LIMK1: variants seen among roughly 807,000 people sequenced by gnomAD.
LIMK1 encodes LIM motif-containing protein kinase.
A neutral mutation model predicts 77.6 loss-of-function variants in LIMK1; 21 were observed. That is an observed-to-expected ratio of 0.27 (90% CI 0.19 to 0.39). LIMK1 has a LOEUF of 0.39. LIMK1 is among the 10% of genes least tolerant of loss of function. The pLI is 1.00. For missense variants in LIMK1, 696 were observed against 901.6 expected, an observed-to-expected ratio of 0.77 and a Z score of 2.92; for synonymous variants, 358 against 370.0, an observed-to-expected ratio of 0.97 and a Z score of 0.37.
In LIMK1 at chr7:74,096,724, T is replaced by C; in HGVS notation, c.255T>C (p.His85=). 6.2e-7 allele frequency: 1 copy of C among 1,612,910 alleles called. No individual in the cohort carries two copies. The highest frequency in any genetic ancestry group is 1.7e-5 in the Admixed American group (1 of 59,870). Residue 85 remains histidine, a synonymous_variant, in exon 3 of 16, where the codon CAT becomes CAC. Coordinates refer to ENST00000336180, the MANE Select transcript of LIMK1 (RefSeq NM_002314.4). The part of the protein sequence containing the change: ...DYWARYGESC[H]GCSEQITKGL... The stretch of plus-strand genomic sequence containing the variant: ...GGGCCCGCTATGGCGAGTCCTGCCA[T>C]GGGTGCTCTGAGCAAATCACCAAGG...
intron 13 of LIMK1, among the ~76,000 whole-genome samples, chr7:74,118,018 C>T (rs1212698670): frequency 1.3e-5 from 2 of 150,828 alleles, no homozygotes; most frequent in Non-Finnish European, 2.9e-5. Context: ...CACTTGAACC[C>T]AGGAGCAGAG....
chr7:74,118,152 G>A (rs979020151), intron 13 of LIMK1, among the ~76,000 whole-genome samples: 8 of 151,396 alleles, frequency 5.3e-5, no homozygotes, highest in African/African-American at 1.7e-4. Flanking sequence ...TGAGGTGGGC[G>A]GATCACGAGG....
At chr7:74,102,484 C>CTTTTT (rs71094754) in intron 5 of LIMK1, among the ~76,000 whole-genome samples, 4,046 of 53,996 alleles carry the variant, frequency 0.075, 910 homozygotes, top group Non-Finnish European at 0.12. Flanking sequence ...AGGACCTTCT[C>CTTTTT]TTTTTTTTTT....
intron 5 of LIMK1, among the ~76,000 whole-genome samples, chr7:74,102,353 C>T (rs1297942083): frequency 1.3e-5 from 2 of 151,770 alleles, no homozygotes; most frequent in African/African-American, 4.8e-5. Context: ...GATACATATA[C>T]ATGTTTAGTG....
chr7:74,099,199 G>A lies in LIMK1; in HGVS notation c.569G>A (p.Gly190Asp). The change falls in exon 5 of 16, where the codon GGC becomes GAC. Residue 190 changes from glycine to aspartate, a missense_variant. Gly to Asp is a moderately conservative substitution (Grantham distance 94). This residue lies in a region of LIMK1 where 252 missense variants were observed against 279.4 expected (regional missense o/e 0.90). Coordinates refer to ENST00000336180, the MANE Select transcript of LIMK1 (RefSeq NM_002314.4). ...ATTGACCCCCCGCACGGCCCACCGG[G>A]CTGTGGCACCGAGCACTCACACACC... ...VSIDPPHGPP[G>D]CGTEHSHTVR... The A allele has an allele frequency of 6.2e-7, 1 of 1,609,974 alleles. No individual in the cohort carries two copies. The highest frequency in any genetic ancestry group is 8.5e-7 in the Non-Finnish European group (1 of 1,180,000).
intron 13 of LIMK1, among the ~76,000 whole-genome samples, chr7:74,120,050 C>G (rs1191223422): frequency 1.3e-5 from 2 of 152,130 alleles, no homozygotes; most frequent in African/African-American, 2.4e-5. Context: ...GTTTTGCATT[C>G]CTGGGCTTGT....
At position 74,111,607 on chromosome 7, in the gene LIMK1, C is replaced by T. The variant is rs200203379; in HGVS notation, c.1285-41C>T. The T allele has an allele frequency of 8.9e-6, 14 of 1,574,620 alleles. No homozygotes were observed. In the African/African-American group the frequency reaches 1.9e-4, roughly 21 times the overall value. ...CATGCAACCATCCCTGCCATCGGGG[C>T]CCCCACCGGCCCCACCCTGGCCATT... On this transcript the variant is annotated intron_variant, in intron 10 of 15. Coordinates refer to ENST00000336180, the MANE Select transcript of LIMK1 (RefSeq NM_002314.4).
intron 9 of LIMK1, 136 bp from the exon 10 acceptor site, chr7:74,108,769 G>A: frequency 7.2e-7 from 1 of 1,392,126 alleles, no homozygotes; most frequent in Non-Finnish European, 9.5e-7. Context: ...GTGTGGCAGA[G>A]GCAGGAGAGG....
intron 12 of LIMK1, chr7:74,115,421 T>TA: frequency 5.2e-6 from 1 of 192,080 alleles, no homozygotes; most frequent in Non-Finnish European, 1.1e-5. Flanking sequence ...AGACTCCGTC[T>TA]GAAAAAAAAA....
intron 10 of LIMK1, 37 bp downstream of exon 10, chr7:74,109,073 G>A (rs558731034): frequency 1.9e-5 from 29 of 1,531,676 alleles, no homozygotes; most frequent in Admixed American, 1.6e-4. Flanking sequence ...CCCGCTGTGC[G>A]GCCCCGGGCA....
At chr7:74,095,921 C>CTTTGA (rs1554695525) in intron 2 of LIMK1, among the ~76,000 whole-genome samples, 1 of 151,280 alleles carries the variant, frequency 6.6e-6, no homozygotes, top group African/African-American at 2.4e-5. Context: ...CGAACCGTGG[C>CTTTGA]TTTGATGACC....
intron 12 of LIMK1, chr7:74,115,589 G>A (rs955009031): frequency 3.7e-6 from 2 of 539,502 alleles, no homozygotes; most frequent in Non-Finnish European, 6.6e-6. Flanking sequence ...GAGGGAGGAA[G>A]CCACACTGCT....
At chr7:74,115,752 C>G in intron 12 of LIMK1, 50 bp from the exon 13 acceptor site, 6 of 1,588,590 alleles carry the variant, frequency 3.8e-6, no homozygotes, top group Non-Finnish European at 5.2e-6. Context: ...GCAGGCCAAG[C>G]GGGCAGTACT....
At chr7:74,098,421 G>A (rs1403045135) in intron 4 of LIMK1, among the ~76,000 whole-genome samples, 2 of 152,152 alleles carry the variant, frequency 1.3e-5, no homozygotes, top group Admixed American at 6.6e-5. Flanking sequence ...CTCCTGAACT[G>A]GATTTATCCT....
At chr7:74,107,508 C>T (rs1799601177) in intron 8 of LIMK1, among the ~76,000 whole-genome samples, 1 of 152,116 alleles carries the variant, frequency 6.6e-6, no homozygotes, top group African/African-American at 2.4e-5. Context: ...CCAGCCTTGA[C>T]ATCATCTCTA....
At chr7:74,114,813 G>C (rs1026228191) in intron 12 of LIMK1, among the ~76,000 whole-genome samples, 22 of 151,606 alleles carry the variant, frequency 1.5e-4, no homozygotes, top group Non-Finnish European at 3.1e-4. Flanking sequence ...TACTTGGGAG[G>C]CTGAGGCAGG....
intron 5 of LIMK1, among the ~76,000 whole-genome samples, chr7:74,102,482 C>CTTTTTTTTTTTTTTTTTTTTT (rs782517343): frequency 3.9e-5 from 1 of 25,684 alleles, no homozygotes; most frequent in Non-Finnish European, 1.2e-4. Flanking sequence ...GAAGGACCTT[C>CTTTTTTTTTTTTTTTTTTTTT]TCTTTTTTTT....
At chr7:74,106,546 A>C (rs1447854690) in intron 7 of LIMK1, among the ~76,000 whole-genome samples, 2 of 152,148 alleles carry the variant, frequency 1.3e-5, no homozygotes, top group African/African-American at 4.8e-5. Flanking sequence ...GGATCACCTG[A>C]GGTCAGGAGT....
At chr7:74,095,974 T>C (rs1467541783) in intron 2 of LIMK1, among the ~76,000 whole-genome samples, 2 of 147,894 alleles carry the variant, frequency 1.4e-5, no homozygotes, top group Non-Finnish European at 3.0e-5. Flanking sequence ...TTTTCTTTTT[T>C]TTTTTTTTGG....
Sources: gnomAD v4.1 joint callset for allele counts (sites outside exome capture counted in the v4.1 genomes callset) on GRCh38, gnomAD v4.1.1 for gene constraint, gnomAD v4.1.1 regional missense constraint, MANE v1.5 for transcripts, NCBI Gene and HGNC (gene_info 2026-07-23, HGNC 2026-07-21) for gene names.